PTPRG: variants seen among roughly 807,000 people sequenced by gnomAD.
PTPRG encodes receptor-type tyrosine-protein phosphatase gamma.
In PTPRG, 102 loss-of-function variants were observed where a neutral mutation model predicts 165.3. That is an observed-to-expected ratio of 0.62 (90% confidence interval 0.53 to 0.73). The LOEUF (loss-of-function observed/expected upper bound fraction) is 0.73. Ranked by LOEUF, PTPRG falls within the 30% of genes least tolerant of loss-of-function variation. PTPRG has a pLI of 0.00. For synonymous variants in PTPRG, 675 were observed against 669.5 expected, an observed-to-expected ratio of 1.01 and a Z score of -0.13; for missense variants, 1,866 against 1,861.4, an observed-to-expected ratio of 1.00 and a Z score of -0.05.
intron 26 of PTPRG, among the ~76,000 whole-genome samples, chr3:62,278,161 C>A (rs1395733709): frequency 6.6e-6 from 1 of 152,072 alleles, no homozygotes; most frequent in African/African-American, 2.4e-5. Context: ...CAAGAGAGCA[C>A]ACACAAGTAA....
intron 2 of PTPRG, among the ~76,000 whole-genome samples, chr3:61,988,025 G>A (rs574984101): frequency 1.0e-3 from 152 of 152,242 alleles, no homozygotes; most frequent in African/African-American, 3.5e-3. Flanking sequence ...AGTTGTAATC[G>A]TGCAGTGAAG....
intron 5 of PTPRG, among the ~76,000 whole-genome samples, chr3:62,080,235 A>ATTTTT (rs3068435): frequency 1.4e-5 from 2 of 146,220 alleles, no homozygotes. Flanking sequence ...TGCCCAGCTA[A>ATTTTT]TTTTTTTTTT....
intron 10 of PTPRG, among the ~76,000 whole-genome samples, chr3:62,199,359 G>A (rs901521253): frequency 3.3e-5 from 5 of 152,256 alleles, no homozygotes; most frequent in African/African-American, 1.2e-4. Context: ...GCATCCATGG[G>A]GCCAGGCAGG....
chr3:61,643,202 A>T (rs1702109710), intron 1 of PTPRG, among the ~76,000 whole-genome samples: 1 of 152,168 alleles, frequency 6.6e-6, no homozygotes, highest in African/African-American at 2.4e-5. Flanking sequence ...AAAAGGGAAG[A>T]TTGCTTGACC....
At chr3:62,201,403 A>T (rs1216894371) in intron 10 of PTPRG, 102 bp from the exon 11 acceptor site, 3 of 924,296 alleles carry the variant, frequency 3.2e-6, no homozygotes, top group Non-Finnish European at 4.8e-6. Flanking sequence ...ATATTTTGAC[A>T]TGTGAAAATT....
chr3:61,671,855 G>A (rs1347561061), intron 1 of PTPRG, among the ~76,000 whole-genome samples: 31 of 145,280 alleles, frequency 2.1e-4, no homozygotes, highest in Admixed American at 9.5e-4. Flanking sequence ...GGGCAGAGGC[G>A]CCCCTCACCT....
intron 2 of PTPRG, among the ~76,000 whole-genome samples, chr3:61,830,255 G>A (rs671063): frequency 0.12 from 18,098 of 152,184 alleles, 2,809 homozygotes; most frequent in African/African-American, 0.36. Flanking sequence ...AAACTTCACT[G>A]TGTGAATTTC....
intron 15 of PTPRG, among the ~76,000 whole-genome samples, chr3:62,250,981 C>T (rs1701399202): frequency 1.3e-5 from 2 of 152,202 alleles, no homozygotes; most frequent in African/African-American, 4.8e-5. Context: ...ATAAGCCCAC[C>T]TCTTCAGGTA....
At chr3:61,761,299 A>G (rs2033826560) in intron 2 of PTPRG, among the ~76,000 whole-genome samples, 1 of 152,114 alleles carries the variant, frequency 6.6e-6, no homozygotes, top group Non-Finnish European at 1.5e-5. Context: ...CATTCTGGTC[A>G]GGCATGGTGG....
intron 1 of PTPRG, among the ~76,000 whole-genome samples, chr3:61,641,369 C>G (rs1043336095): frequency 1.3e-5 from 2 of 152,140 alleles, no homozygotes; most frequent in Non-Finnish European, 2.9e-5. Flanking sequence ...CTCGGGAGGG[C>G]AAGACGCCCA....
intron 2 of PTPRG, among the ~76,000 whole-genome samples, chr3:61,831,018 C>G (rs1391134776): frequency 1.3e-5 from 2 of 152,198 alleles, no homozygotes; most frequent in East Asian, 1.9e-4. Flanking sequence ...TGGGTTCAGC[C>G]TTTGAAGCCT....
intron 2 of PTPRG, among the ~76,000 whole-genome samples, chr3:61,954,422 C>T (rs2039987623): frequency 6.6e-6 from 1 of 152,136 alleles, no homozygotes; most frequent in African/African-American, 2.4e-5. Context: ...AACACAGGAT[C>T]TCAGACTCTT....
At chr3:62,024,863 C>T (rs1166348190) in intron 4 of PTPRG, among the ~76,000 whole-genome samples, 1 of 152,134 alleles carries the variant, frequency 6.6e-6, no homozygotes, top group Non-Finnish European at 1.5e-5. Flanking sequence ...TTGTGAATTT[C>T]GACATGCGAT....
chr3:62,231,093 G>A (rs1169074336), intron 13 of PTPRG, 132 bp from the exon 14 acceptor site: 5 of 583,514 alleles, frequency 8.6e-6, no homozygotes, highest in Non-Finnish European at 1.3e-5. Context: ...TTTTGAAAAT[G>A]TCACAGATGA....
intron 1 of PTPRG, among the ~76,000 whole-genome samples, chr3:61,562,621 C>G (rs1050194908): frequency 6.6e-6 from 1 of 151,552 alleles, no homozygotes; most frequent in Non-Finnish European, 1.5e-5. Context: ...CGGGGGTCTG[C>G]TCCCGCTCCC....
chr3:62,272,976 T>C lies in PTPRG; in HGVS notation c.3213T>C (p.Ile1071=), dbSNP rs1468845694. Residue 1071 remains isoleucine (I), a synonymous_variant, in exon 22 of 30, where the codon ATT becomes ATC. Transcript: ENST00000474889. ...SAGVGRTGTY[I]VIDSMLQQIK... ...GTGTGGGCAGAACAGGCACCTATAT[T>C]GTAATAGACAGCATGCTGCAACAGA... is the stretch of plus-strand genomic sequence containing the variant. The C allele has an allele frequency of 3.1e-6, 5 of 1,612,864 alleles. No individual in the cohort carries two copies. The Admixed American group carries it at 6.7e-5, about 22-fold the overall frequency.
At chr3:62,124,326 G>T (rs1703202657) in intron 5 of PTPRG, 3 of 1,610,290 alleles carry the variant, frequency 1.9e-6, no homozygotes, top group African/African-American at 1.3e-5. Flanking sequence ...GCCTGGTTCT[G>T]CCCGGGTCTC....
At chr3:62,061,146 T>C (rs1291019480) in intron 4 of PTPRG, among the ~76,000 whole-genome samples, 1 of 152,222 alleles carries the variant, frequency 6.6e-6, no homozygotes, top group Non-Finnish European at 1.5e-5. Flanking sequence ...ATACCTTCTT[T>C]GAAATTAAGC....
Position 62,217,802 on chromosome 3 carries a change from T to C in PTPRG, c.2156-1049T>C, listed in dbSNP as rs1700547392. On this transcript the variant is annotated intron_variant, in intron 12 of 29. Transcript: ENST00000474889. The surrounding 1 kb of genome is among the most constrained non-coding windows in gnomAD (Gnocchi z 4.3). ...CACAGTGGAAGGGAAGATAGGATCTTCTGCTGAGGCTCCTGGGGACTTCTG... is the reference window on the plus strand; with the variant it reads ...CACAGTGGAAGGGAAGATAGGATCTCCTGCTGAGGCTCCTGGGGACTTCTG... 1 of 152,426 alleles carries C rather than the reference T, an allele frequency of 6.6e-6. No homozygotes were observed. The highest frequency in any genetic ancestry group is 2.4e-5 in the African/African-American group (1 of 41,458). 9.4% of individuals were successfully genotyped at this position (152,426 alleles called of 1,614,324 possible). A position where few individuals can be genotyped will look rare whatever the true frequency, so the allele number is the denominator to read the frequency against.
Sources: allele counts gnomAD v4.1 joint callset (sites outside exome capture counted in the v4.1 genomes callset), GRCh38; gene constraint gnomAD v4.1.1; non-coding constraint Gnocchi (gnomAD v3.1); transcripts MANE v1.5; gene names NCBI Gene and HGNC (gene_info 2026-07-23, HGNC 2026-07-21).